The following ADK variants were observed in gnomAD, a reference collection of about 807,000 sequenced individuals.
The protein encoded by ADK is N6,N6-dimethyladenosine kinase.
In ADK, 24 loss-of-function variants were observed where a neutral mutation model predicts 44.7. The ratio of observed to expected loss-of-function variants is 0.54; its 90% CI spans 0.39 to 0.76. The LOEUF (loss-of-function observed/expected upper bound fraction) is 0.76. ADK is among the 30% of genes least tolerant of loss of function. ADK has a pLI of 0.00. For synonymous variants in ADK, 128 were observed against 142.6 expected (o/e 0.90, Z 0.73); for missense variants, 321 against 425.1 (o/e 0.76, Z 2.15).
At chr10:74,256,996 G>T (rs995668173) in intron 3 of ADK, among the ~76,000 whole-genome samples, 15 of 152,196 alleles carry the variant, frequency 9.9e-5, no homozygotes, top group African/African-American at 3.4e-4. Context: ...ATGAGTTACT[G>T]CAACTAAGAG....
intron 4 of ADK, among the ~76,000 whole-genome samples, chr10:74,334,440 G>A (rs942550628): frequency 2.0e-5 from 3 of 152,144 alleles, no homozygotes; most frequent in South Asian, 4.2e-4. Flanking sequence ...GCATCCATCT[G>A]AGCATCCCCA....
intron 10 of ADK, among the ~76,000 whole-genome samples, chr10:74,682,582 T>C (rs1292524797): frequency 6.6e-6 from 1 of 151,018 alleles, no homozygotes; most frequent in Non-Finnish European, 1.5e-5. Context: ...TTTCTTTTTT[T>C]TTTTTTTTTG....
Position 74,314,723 on chromosome 10 carries a change from A to G in ADK, c.251A>G (p.Gln84Arg). 1 of 1,612,700 alleles carries G rather than the reference A, an allele frequency of 6.2e-7. No homozygotes were observed. Among genetic ancestry groups the G allele is most frequent in the Non-Finnish European group, 8.5e-7 (1 of 1,178,982 alleles). ...GAATATCATGCTGGTGGCTCTACCCAGAATTCAATTAAAGTGGCTCAGGTT... is the reference window on the plus strand; with the variant it reads ...GAATATCATGCTGGTGGCTCTACCCGGAATTCAATTAAAGTGGCTCAGGTT... The part of the protein sequence containing the change: ...KVEYHAGGST[Q>R]NSIKVAQWMI... The change falls in exon 4 of 11, where the codon CAG becomes CGG. Residue 84 changes from glutamine to arginine, a missense_variant. Transcript: ENST00000539909.
At chr10:74,389,612 C>T (rs776277414) in intron 4 of ADK, among the ~76,000 whole-genome samples, 42 of 151,356 alleles carry the variant, frequency 2.8e-4, no homozygotes, top group Non-Finnish European at 3.1e-4. Flanking sequence ...AATTTTTAGG[C>T]TTGTTAAACT....
At chr10:74,691,134 A>T (rs1589373148) in intron 10 of ADK, among the ~76,000 whole-genome samples, 1 of 152,210 alleles carries the variant, frequency 6.6e-6, no homozygotes, top group Admixed American at 6.5e-5. Flanking sequence ...AATCATTGGT[A>T]TAGGAGGTAA....
intron 7 of ADK, among the ~76,000 whole-genome samples, chr10:74,538,235 CAG>C (rs996086254): frequency 5.4e-5 from 8 of 147,810 alleles, no homozygotes; most frequent in African/African-American, 1.8e-4. Context: ...AGCCTGGCAA[CAG>C]AGCGAGACTC....
chr10:74,437,625 C>T (rs138071951), intron 6 of ADK, among the ~76,000 whole-genome samples: 1 of 152,146 alleles, frequency 6.6e-6, no homozygotes, highest in Non-Finnish European at 1.5e-5. Flanking sequence ...GTATTTTTCT[C>T]CTGCCCTACT....
chr10:74,205,744 C>CT (rs1843573255), intron 2 of ADK, among the ~76,000 whole-genome samples: 1 of 149,306 alleles, frequency 6.7e-6, no homozygotes, highest in Non-Finnish European at 1.5e-5. Context: ...ACATAACAGT[C>CT]TAAGAAAACT....
intron 9 of ADK, among the ~76,000 whole-genome samples, chr10:74,629,062 G>A (rs1427740411): frequency 1.3e-5 from 2 of 151,804 alleles, no homozygotes; most frequent in African/African-American, 2.4e-5. Flanking sequence ...AAGTTAAAGA[G>A]ACTGTCTCCC....
chr10:74,180,456 CTTTTTTTTTT>C (rs1199684944), intron 1 of ADK, among the ~76,000 whole-genome samples: 3 of 68,246 alleles, frequency 4.4e-5, no homozygotes, highest in African/African-American at 6.8e-5. Flanking sequence ...CCAGGCTAGT[CTTTTTTTTTT>C]TTTTTTTTTT....
intron 7 of ADK, among the ~76,000 whole-genome samples, chr10:74,573,241 G>C (rs1678879154): frequency 1.3e-5 from 2 of 152,146 alleles, no homozygotes; most frequent in Non-Finnish European, 2.9e-5. Flanking sequence ...CTCAGCTGCA[G>C]GTCTGTTGGA....
rs1564785870 is a variant in ADK at position 74,547,450 on chromosome 10, ATTTATT to A, written c.726+22026_726+22031del. The stretch of plus-strand genomic sequence containing the variant: ...CCACTTTATATATATATATATATTT[ATTTATT>A]TATTTATTTATTTATTTTTATTTTA... On this transcript the variant is annotated intron_variant, in intron 7 of 10. Transcript: ENST00000539909. 3.1e-3 allele frequency among the ~76,000 whole-genome samples: 394 copies of A among 128,586 alleles called. 1 individual carries two copies. The highest frequency in any genetic ancestry group is 0.016 in the Middle Eastern group (4 of 250). The allele number at this position is 128,586 out of a possible 152,430, so 84.4% of individuals were successfully genotyped here. A position where few individuals can be genotyped will look rare whatever the true frequency, so the allele number is the denominator to read the frequency against.
chr10:74,426,110 ATTTT>A (rs1330382600), intron 6 of ADK, among the ~76,000 whole-genome samples: 1 of 152,110 alleles, frequency 6.6e-6, no homozygotes, highest in Non-Finnish European at 1.5e-5. Context: ...GTCTCTATAC[ATTTT>A]TATATAATTT....
intron 2 of ADK, among the ~76,000 whole-genome samples, chr10:74,208,071 G>A (rs970053469): frequency 2.0e-5 from 3 of 152,258 alleles, no homozygotes; most frequent in African/African-American, 7.2e-5. Flanking sequence ...TTGTGACAGT[G>A]CCTGGGCTTG....
At chr10:74,488,958 A>G (rs1348460398) in intron 6 of ADK, among the ~76,000 whole-genome samples, 2 of 151,924 alleles carry the variant, frequency 1.3e-5, no homozygotes. Context: ...GGATAATAAT[A>G]ATACATACCA....
chr10:74,260,422 A>G (rs1334331557), intron 3 of ADK, among the ~76,000 whole-genome samples: 1 of 151,738 alleles, frequency 6.6e-6, no homozygotes, highest in Non-Finnish European at 1.5e-5. Flanking sequence ...GGCATGCACC[A>G]CTCCACCCAG....
chr10:74,615,605 G>A (rs1171185522), intron 9 of ADK, among the ~76,000 whole-genome samples: 1 of 152,182 alleles, frequency 6.6e-6, no homozygotes. Context: ...TGGTGAGTAT[G>A]TAATAGACCT....
intron 9 of ADK, among the ~76,000 whole-genome samples, chr10:74,640,899 T>C (rs548395866): frequency 1.3e-5 from 2 of 152,384 alleles, no homozygotes; most frequent in East Asian, 3.9e-4. Flanking sequence ...TAGAGACCAT[T>C]CTCTCAGACT....
At chr10:74,376,515 T>G (rs1842823900) in intron 4 of ADK, among the ~76,000 whole-genome samples, 1 of 152,132 alleles carries the variant, frequency 6.6e-6, no homozygotes, top group Non-Finnish European at 1.5e-5. Context: ...TAAGTACCTC[T>G]CCTATGAAGC....
Sources: allele counts gnomAD v4.1 joint callset (sites outside exome capture counted in the v4.1 genomes callset), GRCh38; gene constraint gnomAD v4.1.1; transcripts MANE v1.5; gene names NCBI Gene and HGNC (gene_info 2026-07-23, HGNC 2026-07-21).